The following PHC2 variants were observed in gnomAD, a reference collection of about 807,000 sequenced individuals.
PHC2 encodes polyhomeotic homolog 2.
Under a neutral mutation model 87.4 loss-of-function variants are expected in PHC2, and 29 were observed. The observed-to-expected ratio is 0.33, with a 90% CI of 0.25 to 0.45. The LOEUF is 0.45. Among genes scored for constraint, PHC2 ranks in the 20% least tolerant of loss-of-function variants. PHC2 has a pLI of 1.00. For missense variants in PHC2, 857 were observed against 1,136.7 expected (o/e 0.75, Z 3.54); for synonymous variants, 438 against 461.7 (o/e 0.95, Z 0.66).
Position 33,349,957 on chromosome 1 carries a change from G to A in PHC2, c.1558+4444C>T, listed in dbSNP as rs1056662630. 16 of 419,814 alleles carry A rather than the reference G, an allele frequency of 3.8e-5. No homozygotes were observed. Among genetic ancestry groups the A allele is most frequent in the African/African-American group, 3.5e-4 (16 of 45,888 alleles). 26.0% of individuals were successfully genotyped at this position (419,814 alleles called of 1,614,324 possible). A position where few individuals can be genotyped will look rare whatever the true frequency, so the allele number is the denominator to read the frequency against. On this transcript the variant is annotated intron_variant, in intron 9 of 14. Coordinates refer to ENST00000683057, the MANE Select transcript of PHC2 (RefSeq NM_001385109.1). This position sits in a 1 kb window ranked among gnomAD's most constrained non-coding sequence, Gnocchi z 4.2. Reference sequence around the variant, plus strand: ...CGCCGGGGGCGGGGCGAGGGAGCGGGGCGGGGAGGGGCGGGGCCGCGGGAG... The same window carrying A: ...CGCCGGGGGCGGGGCGAGGGAGCGGAGCGGGGAGGGGCGGGGCCGCGGGAG...
chr1:33,414,426 C>G (rs904865269), intron 1 of PHC2, among the ~76,000 whole-genome samples: 10 of 152,152 alleles, frequency 6.6e-5, no homozygotes, highest in Non-Finnish European at 1.5e-4. Context: ...TTGTTTTGAT[C>G]TTTATCTCAA....
At position 33,332,283 on chromosome 1, in the gene PHC2, T is replaced by C. The variant is rs1432948041; in HGVS notation, c.1883A>G (p.Tyr628Cys). Residue 628 changes from tyrosine to cysteine, a missense_variant, in exon 11 of 15, where the codon TAT becomes TGT. By Grantham distance (194) the Tyr-to-Cys change is radical. Transcript: ENST00000683057. The surrounding 1 kb of genome is among the most constrained non-coding windows in gnomAD (Gnocchi z 4.2). ...TTTDSEMEEP[Y>C]LQESKEEGAP... ...GGGTCTGAGATGCCCACCTTGCAGA[T>C]AGGGCTCCTCCATCTCCGAGTCAGT... 3 of 1,614,094 alleles carry C rather than the reference T, an allele frequency of 1.9e-6. 1 individual carries two copies. The East Asian group carries it at 6.7e-5, about 36-fold the overall frequency.
At chr1:33,393,888 A>C (rs1649187701) in intron 1 of PHC2, among the ~76,000 whole-genome samples, 1 of 152,192 alleles carries the variant, frequency 6.6e-6, no homozygotes, top group African/African-American at 2.4e-5. Context: ...ATTATACTCG[A>C]ATCATTAAAG....
At chr1:33,425,112 T>A (rs1392781198) in intron 1 of PHC2, among the ~76,000 whole-genome samples, 2 of 152,250 alleles carry the variant, frequency 1.3e-5, no homozygotes, top group Non-Finnish European at 2.9e-5. Flanking sequence ...AATGTTGATT[T>A]TATTATTGAA....
At chr1:33,366,846 G>A (rs551136538) in intron 7 of PHC2, among the ~76,000 whole-genome samples, 49 of 152,166 alleles carry the variant, frequency 3.2e-4, no homozygotes, top group Middle Eastern at 3.2e-3. Flanking sequence ...CAGCTCCACC[G>A]CTGTGGCTGC....
chr1:33,389,818 C>T (rs1648960111), intron 1 of PHC2, among the ~76,000 whole-genome samples: 1 of 152,136 alleles, frequency 6.6e-6, no homozygotes, highest in Non-Finnish European at 1.5e-5. Flanking sequence ...TGTTAGCATA[C>T]ATCTTGGCTT....
intron 1 of PHC2, among the ~76,000 whole-genome samples, chr1:33,420,246 G>T (rs1650379800): frequency 6.6e-6 from 1 of 152,164 alleles, no homozygotes; most frequent in Non-Finnish European, 1.5e-5. Context: ...TGTAAGCATT[G>T]TATCTACAAT....
At chr1:33,372,184 G>A (rs1647888267) in intron 3 of PHC2, 105 bp downstream of exon 3, 1 of 1,158,856 alleles carries the variant, frequency 8.6e-7, no homozygotes, top group African/African-American at 1.6e-5. Flanking sequence ...TAGGTTGCAG[G>A]TAAGAGAAGG....
At chr1:33,373,826 G>C (rs1356321979) in intron 2 of PHC2, among the ~76,000 whole-genome samples, 1 of 152,092 alleles carries the variant, frequency 6.6e-6, no homozygotes, top group Non-Finnish European at 1.5e-5. Flanking sequence ...CCAGAACGGG[G>C]CCCAGGGTCA....
chr1:33,406,992 T>C (rs6661037), intron 1 of PHC2, among the ~76,000 whole-genome samples: 58,140 of 152,070 alleles, frequency 0.38, 11,739 homozygotes, highest in South Asian at 0.52. Context: ...TGCTACACTC[T>C]GGATGATTTC....
At chr1:33,340,052 A>G (rs1049897995) in intron 9 of PHC2, among the ~76,000 whole-genome samples, 2 of 152,226 alleles carry the variant, frequency 1.3e-5, no homozygotes, top group African/African-American at 2.4e-5. Context: ...TTCAAAGGCA[A>G]TGGAGACCAA....
rs1217046332 is a variant in PHC2 at position 33,331,544 on chromosome 1, C to T, written c.1892-82G>A. On this transcript the variant is annotated intron_variant, in intron 11 of 14. Transcript: ENST00000683057. The surrounding 1 kb of genome is among the most constrained non-coding windows in gnomAD (Gnocchi z 5.2). The stretch of plus-strand genomic sequence containing the variant: ...CCAGCCCCACCACGGGGCCTCCCTA[C>T]TCCATCCTGCCTGGTCCTCCTGCTC... The T allele has an allele frequency of 2.6e-6, 2 of 763,682 alleles. No individual in the cohort carries two copies. Among genetic ancestry groups the T allele is most frequent in the South Asian group, 1.6e-5 (1 of 64,420 alleles). 47.3% of individuals were successfully genotyped at this position (763,682 alleles called of 1,614,324 possible). A position where few individuals can be genotyped will look rare whatever the true frequency, so the allele number is the denominator to read the frequency against.
chr1:33,349,398 A>G lies in PHC2; in HGVS notation c.1558+5003T>C. ...CGGCTTCCAGGGGCGACGGGCGCGC[A>G]GGGTCCCCAGGCGAGCGAGGCTGGG... On this transcript the variant is annotated intron_variant, in intron 9 of 14. Coordinates refer to ENST00000683057, the MANE Select transcript of PHC2 (RefSeq NM_001385109.1). This position sits in a 1 kb window ranked among gnomAD's most constrained non-coding sequence, Gnocchi z 4.2. 25 of 984,978 alleles carry G rather than the reference A, an allele frequency of 2.5e-5. No homozygotes were observed. The highest frequency in any genetic ancestry group is 3.0e-5 in the Non-Finnish European group (25 of 829,764). The allele number at this position is 984,978 out of a possible 1,614,324, so 61.0% of individuals were successfully genotyped here. A position where few individuals can be genotyped will look rare whatever the true frequency, so the allele number is the denominator to read the frequency against.
intron 1 of PHC2, among the ~76,000 whole-genome samples, chr1:33,400,351 T>C (rs765296447): frequency 8.5e-5 from 13 of 152,236 alleles, no homozygotes; most frequent in Non-Finnish European, 1.8e-4. Flanking sequence ...ACTGCATTGT[T>C]TGTCATAGCA....
rs1475836024 is a variant in PHC2, at chr1:33,328,857, C to T, written c.2425+13G>A. On this transcript the variant is annotated intron_variant, in intron 14 of 14. Transcript: ENST00000683057. ...GCTATTCCGGGGAGACATGGAATTT[C>T]CAAGGGCCTTACCTGGCAGAGAGCG... 2 of 1,592,204 alleles carry T rather than the reference C, an allele frequency of 1.3e-6. No individual in the cohort carries two copies. The highest frequency in any genetic ancestry group is 2.3e-5 in the East Asian group (1 of 44,372).
intron 1 of PHC2, among the ~76,000 whole-genome samples, chr1:33,414,135 A>C (rs1036296505): frequency 6.6e-6 from 1 of 151,304 alleles, no homozygotes; most frequent in Non-Finnish European, 1.5e-5. Context: ...TAAATAAATA[A>C]GTGCCCATGC....
intron 1 of PHC2, among the ~76,000 whole-genome samples, chr1:33,402,334 G>C (rs1649570788): frequency 6.6e-6 from 1 of 152,122 alleles, no homozygotes. Flanking sequence ...ACATGGAATG[G>C]GTAGGAGTAA....
chr1:33,388,816 A>G (rs936726934), intron 1 of PHC2, among the ~76,000 whole-genome samples: 8 of 152,104 alleles, frequency 5.3e-5, no homozygotes, highest in African/African-American at 1.9e-4. Flanking sequence ...GCAGGTTCTG[A>G]GAGGTAAAGT....
At chr1:33,378,360 A>C (rs1434126780) in intron 1 of PHC2, among the ~76,000 whole-genome samples, 1 of 152,240 alleles carries the variant, frequency 6.6e-6, no homozygotes, top group East Asian at 1.9e-4. Flanking sequence ...GCAACAAATC[A>C]GTAAATGATA....
Sources: gnomAD v4.1 joint callset for allele counts (sites outside exome capture counted in the v4.1 genomes callset) on GRCh38, gnomAD v4.1.1 for gene constraint, Gnocchi (gnomAD v3.1) non-coding constraint, MANE v1.5 for transcripts, NCBI Gene and HGNC (gene_info 2026-07-23, HGNC 2026-07-21) for gene names.